The following TRAM2 variants were observed in gnomAD, a reference collection of about 807,000 sequenced individuals.
TRAM2 encodes translocating chain-associated membrane protein 2.
Under a neutral mutation model 51.0 loss-of-function variants are expected in TRAM2, and 12 were observed. That is an observed-to-expected ratio of 0.24 (90% CI 0.15 to 0.38). The LOEUF is 0.38. TRAM2 is among the 10% of genes least tolerant of loss of function. The probability of loss-of-function intolerance (pLI) is 1.00; values close to 1 mark genes in which losing one functional copy is unlikely to be tolerated. For synonymous variants in TRAM2, 175 were observed against 179.4 expected, an observed-to-expected ratio of 0.98 and a Z score of 0.20; for missense variants, 361 against 462.0, an observed-to-expected ratio of 0.78 and a Z score of 2.00.
At position 52,516,613 on chromosome 6, in the gene TRAM2, A is replaced by G. The variant is rs1176828214; in HGVS notation, c.294+15T>C. 2.5e-6 allele frequency: 4 copies of G among 1,605,482 alleles called. No homozygotes were observed. Among genetic ancestry groups the G allele is most frequent in the Non-Finnish European group, 3.4e-6 (4 of 1,172,266 alleles). On this transcript the variant is annotated intron_variant, in intron 3 of 10. Coordinates refer to ENST00000182527, the MANE Select transcript of TRAM2 (RefSeq NM_012288.4). ...TCCCCAGCTTCTGATCTCAGAATCC[A>G]GACATGTCACTTACATCTAAAATGT...
At chr6:52,524,759 T>C (rs1766743686) in intron 2 of TRAM2, 1 of 152,184 alleles carries the variant, frequency 6.6e-6, no homozygotes, top group Admixed American at 6.5e-5. Context: ...GCTCTATTTT[T>C]TTTTTCTTCC....
intron 2 of TRAM2, 127 bp from the exon 3 acceptor site, chr6:52,516,864 CAGA>C (rs533614513): frequency 2.4e-4 from 169 of 713,192 alleles, no homozygotes; most frequent in East Asian, 1.1e-3. Flanking sequence ...GCCTCAGACT[CAGA>C]AGAAGGTTTC....
chr6:52,532,844 T>C (rs1259020133), intron 2 of TRAM2, among the ~76,000 whole-genome samples: 1 of 152,210 alleles, frequency 6.6e-6, no homozygotes, highest in African/African-American at 2.4e-5. Flanking sequence ...TTCCAAAACG[T>C]TCTAACTTTA....
chr6:52,523,201 A>AT, intron 2 of TRAM2: 1 of 348,706 alleles, frequency 2.9e-6, no homozygotes, highest in Non-Finnish European at 5.1e-6. Context: ...ATTATTTTGA[A>AT]TTTTTTACAC....
intron 2 of TRAM2, among the ~76,000 whole-genome samples, chr6:52,534,435 C>T (rs1766944530): frequency 6.6e-6 from 1 of 152,176 alleles, no homozygotes; most frequent in African/African-American, 2.4e-5. Context: ...GAACTAGGTT[C>T]AGCAAACAAA....
At chr6:52,509,433 A>G in intron 5 of TRAM2, 95 bp downstream of exon 5, 1 of 1,230,540 alleles carries the variant, frequency 8.1e-7, no homozygotes, top group African/African-American at 1.5e-5. Flanking sequence ...TCGTCAGGCC[A>G]GCTGGGCCTG....
chr6:52,518,191 T>G (rs1308315756), intron 2 of TRAM2, among the ~76,000 whole-genome samples: 4 of 152,044 alleles, frequency 2.6e-5, no homozygotes, highest in African/African-American at 9.7e-5. Context: ...GTGGAGGTTG[T>G]GGGTAAACTG....
chr6:52,550,524 G>T (rs1767288957), intron 1 of TRAM2, among the ~76,000 whole-genome samples: 1 of 152,084 alleles, frequency 6.6e-6, no homozygotes, highest in Non-Finnish European at 1.5e-5. Context: ...CAACGTAACT[G>T]CTGGCAATGG....
intron 6 of TRAM2, 135 bp downstream of exon 6, chr6:52,508,099 T>A: frequency 1.3e-6 from 1 of 777,304 alleles, no homozygotes. Flanking sequence ...AGCATGTTGC[T>A]CAATCCCCAA....
chr6:52,569,151 T>C (rs145720605), intron 1 of TRAM2, among the ~76,000 whole-genome samples: 7 of 152,170 alleles, frequency 4.6e-5, no homozygotes, highest in East Asian at 3.9e-4. Context: ...TCCCAACACT[T>C]TGGGAGGCCA....
intron 2 of TRAM2, among the ~76,000 whole-genome samples, chr6:52,526,811 C>A (rs1207967771): frequency 6.6e-6 from 1 of 152,242 alleles, no homozygotes; most frequent in African/African-American, 2.4e-5. Context: ...CACTGTACTT[C>A]AAAGTTCTGT....
chr6:52,544,198 T>C (rs993381640), intron 1 of TRAM2, among the ~76,000 whole-genome samples: 1 of 152,188 alleles, frequency 6.6e-6, no homozygotes, highest in Non-Finnish European at 1.5e-5. Context: ...AGCCTTCAAA[T>C]TCCTCTGGGT....
intron 1 of TRAM2, among the ~76,000 whole-genome samples, chr6:52,539,462 A>T (rs2268727): frequency 2.0e-5 from 3 of 152,140 alleles, no homozygotes; most frequent in African/African-American, 7.2e-5. Context: ...CGTATCAGGG[A>T]AAACCTGAAC....
intron 2 of TRAM2, chr6:52,522,884 G>A (rs1242860915): frequency 7.1e-6 from 5 of 702,224 alleles, no homozygotes; most frequent in South Asian, 5.9e-5. Context: ...TCCTTCTGAG[G>A]TCACCTGCAA....
chr6:52,570,736 T>G (rs1435579118), intron 1 of TRAM2, among the ~76,000 whole-genome samples: 10 of 151,044 alleles, frequency 6.6e-5, no homozygotes, highest in Non-Finnish European at 1.3e-4. Flanking sequence ...CTCCTAACCT[T>G]GGGCTCCTAC....
intron 2 of TRAM2, among the ~76,000 whole-genome samples, chr6:52,519,211 G>A (rs186663446): frequency 2.6e-5 from 4 of 152,202 alleles, no homozygotes; most frequent in African/African-American, 4.8e-5. Flanking sequence ...CCCTCTTGGA[G>A]CTTAGCGGGT....
chr6:52,560,455 A>T (rs566103616), intron 1 of TRAM2, among the ~76,000 whole-genome samples: 1 of 152,282 alleles, frequency 6.6e-6, no homozygotes, highest in Admixed American at 6.5e-5. Flanking sequence ...TTTTTGTCAG[A>T]TATCAGTCCA....
intron 1 of TRAM2, among the ~76,000 whole-genome samples, chr6:52,574,586 T>A (rs2114113488): frequency 6.6e-6 from 1 of 152,298 alleles, no homozygotes; most frequent in Non-Finnish European, 1.5e-5. Context: ...AGTGATGGGC[T>A]TGGCAGGAAA....
At chr6:52,546,966 G>A (rs1426417048) in intron 1 of TRAM2, among the ~76,000 whole-genome samples, 1 of 152,174 alleles carries the variant, frequency 6.6e-6, no homozygotes, top group Non-Finnish European at 1.5e-5. Context: ...ATGAATGTGT[G>A]AAGTGTCCAT....
Sources: gnomAD v4.1 joint callset for allele counts (sites outside exome capture counted in the v4.1 genomes callset) on GRCh38, gnomAD v4.1.1 for gene constraint, MANE v1.5 for transcripts, NCBI Gene and HGNC (gene_info 2026-07-23, HGNC 2026-07-21) for gene names.